Variants in CPA6 observed in about 807,000 individuals in gnomAD.
CPA6 encodes the protein carboxypeptidase B.
CPA6 carries 58 observed loss-of-function variants against 63.3 expected under a neutral mutation model. The observed-to-expected ratio is 0.92, with a 90% CI of 0.74 to 1.14. The LOEUF is 1.14. Ranked by LOEUF, CPA6 falls within the 50% of genes most tolerant of loss-of-function variation. The pLI is 0.00. For missense variants in CPA6, 565 were observed against 526.6 expected (o/e 1.07, Z -0.71); for synonymous variants, 185 against 179.0 (o/e 1.03, Z -0.27).
intron 2 of CPA6, among the ~76,000 whole-genome samples, chr8:67,519,189 G>A (rs560291836): frequency 6.6e-6 from 1 of 152,318 alleles, no homozygotes; most frequent in Non-Finnish European, 1.5e-5. Context: ...AGTGTCCCCA[G>A]TGCCTTAGCC....
chr8:67,634,030 A>C (rs976801463), intron 1 of CPA6, among the ~76,000 whole-genome samples: 1 of 151,706 alleles, frequency 6.6e-6, no homozygotes, highest in Non-Finnish European at 1.5e-5. Flanking sequence ...CAATCCAAGA[A>C]TGTGACTGCA....
chr8:67,691,419 C>T (rs1444038968), intron 1 of CPA6, among the ~76,000 whole-genome samples: 1 of 152,154 alleles, frequency 6.6e-6, no homozygotes, highest in Admixed American at 6.5e-5. Context: ...ATCTTTCAGG[C>T]CTGTCCCCCA....
Position 67,607,126 on chromosome 8 carries a change from C to T in CPA6, c.192+17050G>A, listed in dbSNP as rs1312691093. ...CTTCTTTCCTCCTCCTCCTCCTCCT[C>T]CTCCTCCTCCCCCTCCTCCCCCCCC... On this transcript the variant is annotated intron_variant, in intron 2 of 10. Coordinates refer to ENST00000297770, the MANE Select transcript of CPA6 (RefSeq NM_020361.5). Among the ~76,000 whole-genome samples, 63 of 91,176 alleles carry T rather than the reference C, an allele frequency of 6.9e-4. 5 individuals are homozygous for T. Among genetic ancestry groups the T allele is most frequent in the African/African-American group, 4.5e-3 (60 of 13,462 alleles). The allele number at this position is 91,176 out of a possible 152,430, so 59.8% of individuals were successfully genotyped here.
intron 6 of CPA6, among the ~76,000 whole-genome samples, chr8:67,500,501 GTT>G (rs779858944): frequency 9.9e-5 from 15 of 151,938 alleles, no homozygotes; most frequent in Non-Finnish European, 2.2e-4. Context: ...CCTCTTAACA[GTT>G]TTTCATAGGC....
At chr8:67,718,441 T>C (rs1817424807) in intron 1 of CPA6, among the ~76,000 whole-genome samples, 1 of 152,180 alleles carries the variant, frequency 6.6e-6, no homozygotes. Flanking sequence ...TCACCTAGGC[T>C]AGGACCATGG....
At chr8:67,720,873 T>A (rs925596560) in intron 1 of CPA6, among the ~76,000 whole-genome samples, 2 of 152,194 alleles carry the variant, frequency 1.3e-5, no homozygotes, top group Non-Finnish European at 2.9e-5. Flanking sequence ...ATGCATACTT[T>A]GCATAGTTTA....
chr8:67,733,183 C>T (rs959455062), intron 1 of CPA6, among the ~76,000 whole-genome samples: 4 of 101,214 alleles, frequency 4.0e-5, no homozygotes, highest in Non-Finnish European at 7.0e-5. Flanking sequence ...GGCTACAGAG[C>T]GAGACTCCAT....
intron 2 of CPA6, among the ~76,000 whole-genome samples, chr8:67,541,763 T>G (rs1369393317): frequency 6.6e-6 from 1 of 152,138 alleles, no homozygotes; most frequent in African/African-American, 2.4e-5. Flanking sequence ...AGTTCCTGAA[T>G]CCCTTGTGCA....
intron 2 of CPA6, among the ~76,000 whole-genome samples, chr8:67,525,229 A>G (rs16933358): frequency 0.069 from 10,500 of 152,276 alleles, 468 homozygotes; most frequent in East Asian, 0.2. Flanking sequence ...TTTGCAATTT[A>G]TCACTTTCCT....
intron 9 of CPA6, among the ~76,000 whole-genome samples, chr8:67,430,461 T>G (rs554730713): frequency 3.2e-4 from 48 of 152,260 alleles, no homozygotes; most frequent in Non-Finnish European, 5.6e-4. Context: ...GTATATATTT[T>G]TATTTAAATA....
Position 67,607,247 on chromosome 8 carries a change from T to TCC in CPA6, c.192+16928_192+16929insGG, listed in dbSNP as rs1344281862. Among the ~76,000 whole-genome samples the TCC allele has an allele frequency of 1.4e-3, 177 of 129,128 alleles. 10 individuals carry two copies. The highest frequency in any genetic ancestry group is 3.1e-3 in the African/African-American group (102 of 33,400). 84.7% of individuals were successfully genotyped at this position (129,128 alleles called of 152,430 possible). A position where few individuals can be genotyped will look rare whatever the true frequency, so the allele number is the denominator to read the frequency against. On this transcript the variant is annotated intron_variant, in intron 2 of 10. Transcript: ENST00000297770. Reference sequence around the variant, plus strand: ...CTTCTTCTTCTTCTTCTTCTTCTTCTTCTTCTCCTCCTCCTCCTTTCTTCT... The same window carrying TCC: ...CTTCTTCTTCTTCTTCTTCTTCTTCTCCTCTTCTCCTCCTCCTCCTTTCTTCT...
chr8:67,451,842 T>C lies in CPA6; in HGVS notation c.839-17602A>G, dbSNP rs1053659713. Among the ~76,000 whole-genome samples, 4 of 152,226 alleles carry C rather than the reference T, an allele frequency of 2.6e-5. No homozygotes were observed. In the South Asian group the frequency reaches 8.3e-4, roughly 32 times the overall value. Reference sequence around the variant, plus strand: ...TATCATCACCTAAATATTTCTTGAATAACTTAAAATCTGAAACGCTGAGTT... The same window carrying C: ...TATCATCACCTAAATATTTCTTGAACAACTTAAAATCTGAAACGCTGAGTT... On this transcript the variant is annotated intron_variant, in intron 8 of 10. Transcript: ENST00000297770.
intron 6 of CPA6, among the ~76,000 whole-genome samples, chr8:67,502,163 T>C (rs919818355): frequency 1.3e-5 from 2 of 152,136 alleles, no homozygotes; most frequent in African/African-American, 2.4e-5. Context: ...GTCAATTTTA[T>C]CTATCTTTTA....
intron 2 of CPA6, among the ~76,000 whole-genome samples, chr8:67,608,023 T>C (rs1814710881): frequency 1.3e-5 from 2 of 152,222 alleles, no homozygotes; most frequent in African/African-American, 4.8e-5. Context: ...GTCTGGCTCT[T>C]TCATCTTCTT....
chr8:67,547,489 T>C (rs1380619567), intron 2 of CPA6, among the ~76,000 whole-genome samples: 1 of 150,276 alleles, frequency 6.7e-6, no homozygotes, highest in Non-Finnish European at 1.5e-5. Context: ...TAACAAGTAA[T>C]GAATTATAGT....
At chr8:67,486,558 C>T (rs575496748) in intron 6 of CPA6, among the ~76,000 whole-genome samples, 22 of 152,270 alleles carry the variant, frequency 1.4e-4, no homozygotes, top group African/African-American at 5.3e-4. Context: ...CAATGCATGA[C>T]TGTATTAATA....
At chr8:67,475,936 CTTTCTT>C (rs1190593769) in intron 8 of CPA6, among the ~76,000 whole-genome samples, 7 of 104,252 alleles carry the variant, frequency 6.7e-5, no homozygotes, top group Admixed American at 2.1e-4. Context: ...CTTTCTTTCT[CTTTCTT>C]TCTCTGTCTT....
intron 1 of CPA6, among the ~76,000 whole-genome samples, chr8:67,706,153 T>C (rs897520521): frequency 3.9e-5 from 6 of 152,206 alleles, no homozygotes; most frequent in Non-Finnish European, 5.9e-5. Context: ...TAAAGGTTAT[T>C]AGGCCTACTA....
intron 1 of CPA6, among the ~76,000 whole-genome samples, chr8:67,720,764 T>G (rs886721881): frequency 2.0e-5 from 3 of 152,214 alleles, no homozygotes; most frequent in Non-Finnish European, 1.5e-5. Context: ...CACTTTTAAC[T>G]TCTTTGAATG....
Sources: allele counts gnomAD v4.1 joint callset (sites outside exome capture counted in the v4.1 genomes callset), GRCh38; gene constraint gnomAD v4.1.1; transcripts MANE v1.5; gene names NCBI Gene and HGNC (gene_info 2026-07-23, HGNC 2026-07-21).